FBXW10B: variants seen among roughly 807,000 people sequenced by gnomAD.
FBXW10B encodes the protein F-box and WD repeat domain containing 10B.
At chr17:15,579,272 T>C in the FBXW10B span, among the ~76,000 whole-genome samples, 1 of 152,208 alleles carries the variant, frequency 6.6e-6, no homozygotes, top group African/African-American at 2.4e-5. Flanking sequence ...TTTAAACATG[T>C]TTTAAAATTT....
the FBXW10B span, among the ~76,000 whole-genome samples, chr17:15,583,026 C>G: frequency 2.7e-5 from 4 of 148,914 alleles, no homozygotes; most frequent in Non-Finnish European, 5.9e-5. Context: ...ATGCTTGTCT[C>G]TCTTTGCTGA....
At chr17:15,579,571 A>G in the FBXW10B span, among the ~76,000 whole-genome samples, 1 of 152,114 alleles carries the variant, frequency 6.6e-6, no homozygotes, top group African/African-American at 2.4e-5. Flanking sequence ...TGAAGAAAGG[A>G]TATTTTATTT....
the FBXW10B span, among the ~76,000 whole-genome samples, chr17:15,600,915 G>A: frequency 2.0e-5 from 3 of 150,760 alleles, no homozygotes; most frequent in Non-Finnish European, 4.4e-5. Flanking sequence ...GCCAGGCGTG[G>A]TGGCACATGC....
chr17:15,573,535 T>C, the FBXW10B span: 1 of 152,436 alleles, frequency 6.6e-6, no homozygotes, highest in Non-Finnish European at 1.5e-5. Context: ...TATGGATGAG[T>C]TCAGGGGATT....
the FBXW10B span, chr17:15,619,196 AAGG>A: frequency 6.2e-7 from 1 of 1,613,982 alleles, no homozygotes; most frequent in South Asian, 1.1e-5. Context: ...CATTTGGTTC[AAGG>A]AGGACTTCAC....
chr17:15,578,789 A>G, the FBXW10B span, among the ~76,000 whole-genome samples: 12 of 152,156 alleles, frequency 7.9e-5, no homozygotes, highest in Middle Eastern at 3.2e-3. Flanking sequence ...ATTTAAGATG[A>G]ATTGGTGTAG....
chr17:15,587,148 G>A, the FBXW10B span, among the ~76,000 whole-genome samples: 1 of 151,414 alleles, frequency 6.6e-6, no homozygotes, highest in African/African-American at 2.5e-5. Context: ...TTCCCAGCAG[G>A]AGCAGAGACA....
chr17:15,579,369 C>T, the FBXW10B span, among the ~76,000 whole-genome samples: 1 of 152,118 alleles, frequency 6.6e-6, no homozygotes, highest in Non-Finnish European at 1.5e-5. Context: ...TGCCACTCTA[C>T]AATATCTATA....
chr17:15,580,973 A>G, the FBXW10B span, among the ~76,000 whole-genome samples: 1 of 152,162 alleles, frequency 6.6e-6, no homozygotes. Flanking sequence ...TCTAAGGCCA[A>G]CAGATTAAAT....
the FBXW10B span, chr17:15,569,009 A>G: frequency 1.6e-6 from 2 of 1,215,276 alleles, no homozygotes; most frequent in Non-Finnish European, 2.1e-6. Context: ...CAACTGGCAG[A>G]TAGGTCTTCC....
At chr17:15,588,785 C>A in the FBXW10B span, 117 of 956,942 alleles carry the variant, frequency 1.2e-4, 1 homozygote, top group Non-Finnish European at 6.8e-6. Flanking sequence ...TTTGTCAGTG[C>A]CGATTTTAGG....
the FBXW10B span, among the ~76,000 whole-genome samples, chr17:15,597,506 A>G: frequency 1.5e-4 from 22 of 151,388 alleles, no homozygotes; most frequent in African/African-American, 2.4e-4. Context: ...GGTGGCGTGC[A>G]ACTGTAGTCC....
the FBXW10B span, among the ~76,000 whole-genome samples, chr17:15,591,805 A>G: frequency 6.6e-6 from 1 of 151,892 alleles, no homozygotes; most frequent in Non-Finnish European, 1.5e-5. Flanking sequence ...TCCTTCATAG[A>G]CCCTCCACAC....
the FBXW10B span, among the ~76,000 whole-genome samples, chr17:15,618,484 A>G: frequency 1.6e-4 from 24 of 151,594 alleles, no homozygotes; most frequent in African/African-American, 5.3e-4. Flanking sequence ...CCCTTAAGCT[A>G]TCTCCAGCCT....
chr17:15,586,162 T>C, the FBXW10B span, among the ~76,000 whole-genome samples: 2 of 151,596 alleles, frequency 1.3e-5, no homozygotes, highest in Non-Finnish European at 2.9e-5. Flanking sequence ...CCGTTAACCA[T>C]TGGTCCACTT....
chr17:15,596,387 C>T, the FBXW10B span: 1 of 1,322,804 alleles, frequency 7.6e-7, no homozygotes, highest in African/African-American at 1.6e-5. Flanking sequence ...CCCTTTAGAG[C>T]TTCAGGACTG....
At chr17:15,599,742 G>A in the FBXW10B span, among the ~76,000 whole-genome samples, 1 of 151,960 alleles carries the variant, frequency 6.6e-6, no homozygotes, top group African/African-American at 2.4e-5. Context: ...AACTGCCATT[G>A]ATGCTTCCGC....
chr17:15,569,734 T>C, the FBXW10B span, among the ~76,000 whole-genome samples: 2 of 152,040 alleles, frequency 1.3e-5, no homozygotes, highest in Non-Finnish European at 2.9e-5. Flanking sequence ...CACACCCAGC[T>C]AATTTTGTTT....
chr17:15,594,335 G>A, the FBXW10B span, among the ~76,000 whole-genome samples: 1 of 151,792 alleles, frequency 6.6e-6, no homozygotes, highest in Non-Finnish European at 1.5e-5. Context: ...AGCTGGGTGT[G>A]GTGGTGGGCG....
Sources: allele counts gnomAD v4.1 joint callset (sites outside exome capture counted in the v4.1 genomes callset), GRCh38; gene constraint gnomAD v4.1.1; transcripts MANE v1.5; gene names NCBI Gene and HGNC (gene_info 2026-07-23, HGNC 2026-07-21).